Variants in BBS9 observed in about 807,000 individuals in gnomAD.
BBS9 encodes Bardet-Biedl syndrome 9, also known as protein PTHB1.
BBS9 carries 89 observed loss-of-function variants against 117.7 expected under a neutral mutation model. The observed-to-expected ratio is 0.76, with a 90% confidence interval of 0.64 to 0.90. BBS9 has a LOEUF of 0.90. BBS9 is among the 40% of genes least tolerant of loss of function. The pLI is 0.00. For missense variants in BBS9, 982 were observed against 1,042.2 expected, an observed-to-expected ratio of 0.94 and a Z score of 0.80; for synonymous variants, 379 against 370.9, an observed-to-expected ratio of 1.02 and a Z score of -0.25.
chr7:33,550,384 CTT>C (rs1173496221), intron 21 of BBS9, among the ~76,000 whole-genome samples: 2 of 152,110 alleles, frequency 1.3e-5, no homozygotes, highest in African/African-American at 2.4e-5. Flanking sequence ...GTCATTAAGA[CTT>C]ATTTTATATT....
chr7:33,255,347 CTTTTTTT>C (rs34214619), intron 5 of BBS9, among the ~76,000 whole-genome samples: 1 of 134,030 alleles, frequency 7.5e-6, no homozygotes, highest in Non-Finnish European at 1.6e-5. Context: ...AGATAAGGAT[CTTTTTTT>C]TTTTTTTTTG....
intron 21 of BBS9, among the ~76,000 whole-genome samples, chr7:33,586,826 T>G (rs111455713): frequency 2.0e-5 from 3 of 152,088 alleles, no homozygotes; most frequent in Non-Finnish European, 2.9e-5. Context: ...ATGTTCTCAC[T>G]TATGAGTGGA....
intron 5 of BBS9, among the ~76,000 whole-genome samples, chr7:33,246,660 T>C (rs563213371): frequency 2.6e-5 from 4 of 152,176 alleles, no homozygotes; most frequent in South Asian, 4.1e-4. Context: ...ATTTTTCTTT[T>C]GGATACAGGA....
intron 20 of BBS9, among the ~76,000 whole-genome samples, chr7:33,508,519 C>T (rs1253579613): frequency 1.3e-5 from 2 of 152,188 alleles, no homozygotes; most frequent in African/African-American, 4.8e-5. Context: ...CATGGGGCCA[C>T]AGGAATTCAG....
chr7:33,362,064 C>A (rs550198522), intron 16 of BBS9, among the ~76,000 whole-genome samples: 4 of 152,272 alleles, frequency 2.6e-5, no homozygotes, highest in Admixed American at 6.5e-5. Context: ...GCATCCCAAG[C>A]AACCACTGAT....
At chr7:33,608,733 G>A (rs184484983), downstream of BBS9, among the ~76,000 whole-genome samples, 3 of 151,952 alleles carry the variant, frequency 2.0e-5, no homozygotes, top group East Asian at 5.8e-4. Context: ...TATTTGTTTA[G>A]GTTCCTTATA....
intron 21 of BBS9, among the ~76,000 whole-genome samples, chr7:33,543,670 A>G (rs1027608873): frequency 1.6e-4 from 24 of 152,260 alleles, no homozygotes; most frequent in African/African-American, 2.2e-4. Context: ...CCTGATGACA[A>G]TGTGCCTAGG....
intron 19 of BBS9, among the ~76,000 whole-genome samples, chr7:33,422,369 C>A (rs1832989983): frequency 6.6e-6 from 1 of 152,104 alleles, no homozygotes; most frequent in Non-Finnish European, 1.5e-5. Context: ...GCAGAATTAG[C>A]TGATTTTTCT....
intron 20 of BBS9, among the ~76,000 whole-genome samples, chr7:33,527,539 A>G (rs944732134): frequency 6.6e-6 from 1 of 151,710 alleles, no homozygotes; most frequent in Admixed American, 6.6e-5. Context: ...CCTTTCTTTG[A>G]CTCGGAAAGG....
chr7:33,297,048 G>A (rs886237788), intron 9 of BBS9, among the ~76,000 whole-genome samples: 14 of 152,254 alleles, frequency 9.2e-5, no homozygotes, highest in African/African-American at 3.4e-4. Flanking sequence ...ACCTTTAAAA[G>A]AGTCATTGTT....
chr7:33,238,204 G>A (rs1793853366), intron 5 of BBS9, among the ~76,000 whole-genome samples: 1 of 152,184 alleles, frequency 6.6e-6, no homozygotes, highest in Non-Finnish European at 1.5e-5. Context: ...AAAAATGTGT[G>A]CCCAAACTTT....
intron 19 of BBS9, among the ~76,000 whole-genome samples, chr7:33,432,403 C>T (rs889957028): frequency 6.6e-6 from 1 of 151,700 alleles, no homozygotes; most frequent in African/African-American, 2.4e-5. Context: ...GCCACCGCGC[C>T]CAGCTGATTT....
rs1321208262 is a variant in BBS9 at position 33,364,034 on chromosome 7, C to T, written c.1694-3733C>T. 9.2e-5 allele frequency among the ~76,000 whole-genome samples: 4 copies of T among 43,698 alleles called. 1 individual carries two copies. The highest frequency in any genetic ancestry group is 1.3e-3 in the South Asian group (2 of 1,544). 28.7% of individuals were successfully genotyped at this position (43,698 alleles called of 152,430 possible). The stretch of plus-strand genomic sequence containing the variant: ...CGCGATCTCGGCTCACTGCAAGCTC[C>T]GCCTCCCGGGTTCACGCCATTCTCC... On this transcript the variant is annotated intron_variant, in intron 16 of 22. Coordinates refer to ENST00000242067, the MANE Select transcript of BBS9 (RefSeq NM_198428.3).
At chr7:33,520,647 A>G (rs948976643) in intron 20 of BBS9, among the ~76,000 whole-genome samples, 2 of 152,192 alleles carry the variant, frequency 1.3e-5, no homozygotes, top group South Asian at 4.1e-4. Flanking sequence ...ATGTACTTTC[A>G]TGGCCCATAC....
At chr7:33,186,781 G>T (rs1411423112) in intron 5 of BBS9, among the ~76,000 whole-genome samples, 1 of 152,042 alleles carries the variant, frequency 6.6e-6, no homozygotes, top group Admixed American at 6.6e-5. Flanking sequence ...CTTTTTTGAA[G>T]GAATATGTGA....
At chr7:33,303,840 G>A (rs550636730) in intron 9 of BBS9, among the ~76,000 whole-genome samples, 124 of 152,218 alleles carry the variant, frequency 8.1e-4, no homozygotes, top group Admixed American at 5.2e-3. Context: ...GTGCAGTGGC[G>A]TGATCTCGGC....
chr7:33,570,147 C>T (rs543899268), intron 21 of BBS9, among the ~76,000 whole-genome samples: 7 of 152,098 alleles, frequency 4.6e-5, no homozygotes, highest in East Asian at 3.8e-4. Flanking sequence ...CCTTCTTCTA[C>T]GTGACAGAAG....
intron 21 of BBS9, among the ~76,000 whole-genome samples, chr7:33,571,725 A>G (rs1857827653): frequency 6.6e-6 from 1 of 152,074 alleles, no homozygotes; most frequent in Non-Finnish European, 1.5e-5. Flanking sequence ...TCCATGTGCA[A>G]TTAAATTTTA....
intron 21 of BBS9, among the ~76,000 whole-genome samples, chr7:33,564,042 T>TA (rs200296143): frequency 2.9e-5 from 3 of 104,334 alleles, no homozygotes; most frequent in South Asian, 3.1e-4. Flanking sequence ...ATCAATTCTT[T>TA]AAAAAAAATT....
Sources: allele counts gnomAD v4.1 joint callset (sites outside exome capture counted in the v4.1 genomes callset), GRCh38; gene constraint gnomAD v4.1.1; transcripts MANE v1.5; gene names NCBI Gene and HGNC (gene_info 2026-07-23, HGNC 2026-07-21).